PPP2R2C: variants seen among roughly 807,000 people sequenced by gnomAD.
PPP2R2C encodes protein phosphatase 2, regulatory subunit B, gamma.
In PPP2R2C, 10 loss-of-function variants were observed where a neutral mutation model predicts 45.3. That is an observed-to-expected ratio of 0.22 (90% CI 0.14 to 0.37). The LOEUF (loss-of-function observed/expected upper bound fraction) is 0.37. Among genes scored for constraint, PPP2R2C ranks in the 10% least tolerant of loss-of-function variants. The pLI, the probability that PPP2R2C is intolerant of heterozygous loss-of-function variation, is 1.00. For synonymous variants in PPP2R2C, 257 were observed against 245.4 expected (o/e 1.05, Z -0.44); for missense variants, 308 against 619.7 (o/e 0.50, Z 5.34).
intron 2 of PPP2R2C, among the ~76,000 whole-genome samples, chr4:6,518,527 C>T (rs1723901730): frequency 6.6e-6 from 1 of 152,132 alleles, no homozygotes; most frequent in African/African-American, 2.4e-5. Flanking sequence ...CAACTCTATG[C>T]CCACAAATTT....
chr4:6,342,973 T>C (rs1733569791), intron 6 of PPP2R2C, among the ~76,000 whole-genome samples: 1 of 152,222 alleles, frequency 6.6e-6, no homozygotes, highest in South Asian at 2.1e-4. Context: ...AAAATGATGC[T>C]GTGAGCACAT....
In PPP2R2C at chr4:6,345,317, G is replaced by C. The variant is rs1711745231; in HGVS notation, c.790+2529C>G. 6.6e-6 allele frequency among the ~76,000 whole-genome samples: 1 copy of C among 152,172 alleles called. No homozygotes were observed. Among genetic ancestry groups the C allele is most frequent in the Admixed American group, 6.5e-5 (1 of 15,274 alleles). ...GAATGGGCGGGAGGCGTAGGTGGGG[G>C]GGCAGTGTCCTGTAGTAGGCGGTGG... is the stretch of plus-strand genomic sequence containing the variant. On this transcript the variant is annotated intron_variant, in intron 6 of 8. Transcript: ENST00000382599. This position sits in a 1 kb window ranked among gnomAD's most constrained non-coding sequence, Gnocchi z 5.3.
intron 1 of PPP2R2C, among the ~76,000 whole-genome samples, chr4:6,543,706 G>A (rs942489150): frequency 1.3e-5 from 2 of 152,196 alleles, no homozygotes; most frequent in African/African-American, 4.8e-5. Context: ...CACATAAAGC[G>A]TGAGCGCGGA....
chr4:6,457,593 C>T (rs1189429557), intron 1 of PPP2R2C, among the ~76,000 whole-genome samples: 3 of 151,924 alleles, frequency 2.0e-5, no homozygotes, highest in Non-Finnish European at 4.4e-5. Flanking sequence ...AGGCTGGTCT[C>T]GAACTCCTGG....
intron 5 of PPP2R2C, chr4:6,348,991 G>A (rs977336709): frequency 5.0e-5 from 49 of 984,156 alleles, no homozygotes; most frequent in Non-Finnish European, 5.5e-5. Flanking sequence ...GATTGGTAAG[G>A]CTGGATTCAG....
At chr4:6,355,177 CAGT>C (rs1182298093) in intron 5 of PPP2R2C, among the ~76,000 whole-genome samples, 1 of 151,300 alleles carries the variant, frequency 6.6e-6, no homozygotes, top group African/African-American at 2.4e-5. Flanking sequence ...GCCTGGCACA[CAGT>C]AGGTGTTTAG....
chr4:6,555,459 T>G (rs1218648392), intron 1 of PPP2R2C: 1 of 152,292 alleles, frequency 6.6e-6, no homozygotes, highest in Non-Finnish European at 1.5e-5. Context: ...TCCTCAAACC[T>G]GTGTATGTGG....
chr4:6,550,721 C>CT (rs1224282550), intron 1 of PPP2R2C, among the ~76,000 whole-genome samples: 1 of 152,258 alleles, frequency 6.6e-6, no homozygotes, highest in African/African-American at 2.4e-5. Context: ...TCACAGCTCA[C>CT]TGCAGCCTCA....
At chr4:6,384,675 G>C in intron 1 of PPP2R2C, 1 of 985,430 alleles carries the variant, frequency 1.0e-6, no homozygotes, top group Non-Finnish European at 1.2e-6. Context: ...CAAATGCTGG[G>C]TGGTTACCAG....
chr4:6,366,337 T>C (rs1289500064), intron 5 of PPP2R2C, among the ~76,000 whole-genome samples: 2 of 151,906 alleles, frequency 1.3e-5, no homozygotes, highest in Non-Finnish European at 2.9e-5. Context: ...GGGTCTGGGG[T>C]CTCTGATTCC....
At chr4:6,537,166 G>A (rs1464489835) in intron 1 of PPP2R2C, among the ~76,000 whole-genome samples, 1 of 151,962 alleles carries the variant, frequency 6.6e-6, no homozygotes, top group African/African-American at 2.4e-5. Flanking sequence ...TCGCTGCAGT[G>A]CACTCCAGTC....
At chr4:6,549,844 G>A (rs924572755) in intron 1 of PPP2R2C, among the ~76,000 whole-genome samples, 8 of 152,176 alleles carry the variant, frequency 5.3e-5, no homozygotes, top group African/African-American at 1.9e-4. Flanking sequence ...AGTCCTTATG[G>A]GACAGCAGCT....
chr4:6,363,117 G>A (rs912816922), intron 5 of PPP2R2C, among the ~76,000 whole-genome samples: 1 of 152,186 alleles, frequency 6.6e-6, no homozygotes. Flanking sequence ...CAGCACCATG[G>A]ACAGAGCCAT....
intron 5 of PPP2R2C, among the ~76,000 whole-genome samples, chr4:6,358,223 C>T (rs1713395042): frequency 2.0e-5 from 3 of 152,074 alleles, no homozygotes; most frequent in Non-Finnish European, 4.4e-5. Flanking sequence ...CTGACAAAAA[C>T]AAGAAATGGG....
intron 1 of PPP2R2C, among the ~76,000 whole-genome samples, chr4:6,418,677 C>T (rs1718763722): frequency 6.6e-6 from 1 of 152,214 alleles, no homozygotes; most frequent in Non-Finnish European, 1.5e-5. Flanking sequence ...ATGACTCAGC[C>T]AGAGTCCTGT....
intron 1 of PPP2R2C, among the ~76,000 whole-genome samples, chr4:6,455,132 C>T (rs1370836528): frequency 6.6e-6 from 1 of 152,196 alleles, no homozygotes; most frequent in Non-Finnish European, 1.5e-5. Flanking sequence ...CTACAGATGA[C>T]TCCAGAGCTG....
chr4:6,462,853 C>T (rs1721399672), intron 1 of PPP2R2C, among the ~76,000 whole-genome samples: 1 of 152,188 alleles, frequency 6.6e-6, no homozygotes, highest in Admixed American at 6.5e-5. Context: ...GAAGGAAGTA[C>T]AGCAAGATCT....
At chr4:6,540,567 T>C (rs149224309) in intron 1 of PPP2R2C, among the ~76,000 whole-genome samples, 1 of 152,398 alleles carries the variant, frequency 6.6e-6, no homozygotes, top group Admixed American at 6.5e-5. Flanking sequence ...GATGGATGTC[T>C]TCAATTCTCT....
intron 1 of PPP2R2C, among the ~76,000 whole-genome samples, chr4:6,393,139 CCA>C (rs1208763376): frequency 6.6e-6 from 1 of 152,192 alleles, no homozygotes; most frequent in Non-Finnish European, 1.5e-5. Context: ...AGAACCATCA[CCA>C]CAGTCTAATG....
Sources: allele counts gnomAD v4.1 joint callset (sites outside exome capture counted in the v4.1 genomes callset), GRCh38; gene constraint gnomAD v4.1.1; non-coding constraint Gnocchi (gnomAD v3.1); transcripts MANE v1.5; gene names NCBI Gene and HGNC (gene_info 2026-07-23, HGNC 2026-07-21).